Variants in HRH1 observed in about 807,000 individuals in gnomAD.
HRH1 encodes the protein histamine H1 receptor.
HRH1 carries 6 observed loss-of-function variants against 10.3 expected under a neutral mutation model. That is an observed-to-expected ratio of 0.58 (90% confidence interval 0.32 to 1.15). The LOEUF (loss-of-function observed/expected upper bound fraction) is 1.15, where lower values mean the gene tolerates loss of function less well. Among genes scored for constraint, HRH1 ranks in the 50% most tolerant of loss-of-function variants. The pLI is 0.05. For synonymous variants in HRH1, 242 were observed against 236.7 expected (o/e 1.02, Z -0.21); for missense variants, 514 against 615.3 (o/e 0.84, Z 1.74).
chr3:11,167,626 C>T (rs1027512581), intron 1 of HRH1, among the ~76,000 whole-genome samples: 3 of 152,260 alleles, frequency 2.0e-5, no homozygotes, highest in African/African-American at 2.4e-5. Context: ...TGCCCCTGAG[C>T]GCAATCAATT....
At chr3:11,194,717 AG>A (rs1349612892) in intron 1 of HRH1, among the ~76,000 whole-genome samples, 1 of 152,306 alleles carries the variant, frequency 6.6e-6, no homozygotes, top group East Asian at 1.9e-4. Context: ...TGGGAGGCCA[AG>A]GAAGGAGAAT....
At chr3:11,240,873 C>T (rs1939318287) in intron 1 of HRH1, among the ~76,000 whole-genome samples, 1 of 152,166 alleles carries the variant, frequency 6.6e-6, no homozygotes, top group African/African-American at 2.4e-5. Context: ...AATGTTCTGA[C>T]TTACTTGACT....
At chr3:11,198,790 C>A (rs1575004646) in intron 1 of HRH1, among the ~76,000 whole-genome samples, 1 of 151,356 alleles carries the variant, frequency 6.6e-6, no homozygotes, top group East Asian at 1.9e-4. Flanking sequence ...TCATAATAAC[C>A]ATAAGAAGAT....
intron 1 of HRH1, among the ~76,000 whole-genome samples, chr3:11,202,032 G>T (rs1937932409): frequency 6.6e-6 from 1 of 152,188 alleles, no homozygotes; most frequent in Admixed American, 6.6e-5. Flanking sequence ...GGGGAAAATG[G>T]ATTCTTCCTT....
In HRH1 at chr3:11,260,657, A is replaced by G. The variant is rs1559290085; in HGVS notation, c.*156A>G. Reference sequence around the variant, plus strand: ...GTAGTTTGGAAAGTTCTTAGGCACCATAGAAGAACAGCAGATGGCGGTGAT... The same window carrying G: ...GTAGTTTGGAAAGTTCTTAGGCACCGTAGAAGAACAGCAGATGGCGGTGAT... On this transcript the variant is annotated 3_prime_UTR_variant, in exon 2 of 2. Coordinates refer to ENST00000431010, the MANE Select transcript of HRH1 (RefSeq NM_001098212.2). 7.6e-6 allele frequency: 5 copies of G among 661,486 alleles called. No individual in the cohort carries two copies. The highest frequency in any genetic ancestry group is 4.2e-5 in the South Asian group (2 of 47,608). 41.0% of individuals were successfully genotyped at this position (661,486 alleles called of 1,614,324 possible).
intron 1 of HRH1, among the ~76,000 whole-genome samples, chr3:11,205,406 A>G (rs143338434): frequency 4.6e-5 from 7 of 152,280 alleles, no homozygotes; most frequent in Non-Finnish European, 1.0e-4. Flanking sequence ...CCTGGGTTCA[A>G]ATCCCAGCTC....
At position 11,214,279 on chromosome 3, in the gene HRH1, C is replaced by T. The variant is rs182280293; in HGVS notation, c.-35-44724C>T. On this transcript the variant is annotated intron_variant, in intron 1 of 1. Transcript: ENST00000431010. The stretch of plus-strand genomic sequence containing the variant: ...AGAAGTCTGATTTACAGCCCCCTTC[C>T]TGGGGCAGAGTGCTTCACAGTTAGT... Among the ~76,000 whole-genome samples the T allele has an allele frequency of 8.7e-4, 133 of 152,302 alleles. 2 individuals carry two copies. The East Asian group carries it at 0.021, about 24-fold the overall frequency.
In HRH1 at chr3:11,232,965, A is replaced by G. The variant is rs115585742; in HGVS notation, c.-35-26038A>G. 9.2e-3 allele frequency among the ~76,000 whole-genome samples: 1,405 copies of G among 151,926 alleles called. 29 individuals carry two copies. Among genetic ancestry groups the G allele is most frequent in the African/African-American group, 0.032 (1,330 of 41,334 alleles). ...ATAATGCCATTTTCTTCTTGTCTCT[A>G]TGTTTTCTGTGGGAAATCTGCTATC... On this transcript the variant is annotated intron_variant, in intron 1 of 1. Coordinates refer to ENST00000431010, the MANE Select transcript of HRH1 (RefSeq NM_001098212.2).
intron 1 of HRH1, among the ~76,000 whole-genome samples, chr3:11,147,612 GA>G (rs928043714): frequency 5.4e-5 from 8 of 148,626 alleles, no homozygotes; most frequent in East Asian, 3.9e-4. Context: ...AGTAGGTGTA[GA>G]AAAAAAAAAG....
At chr3:11,227,275 G>T (rs1378775903) in intron 1 of HRH1, among the ~76,000 whole-genome samples, 1 of 151,822 alleles carries the variant, frequency 6.6e-6, no homozygotes, top group Non-Finnish European at 1.5e-5. Context: ...TGCCTATGGG[G>T]TGATTAAGAT....
At chr3:11,182,804 G>A (rs190241198) in intron 1 of HRH1, among the ~76,000 whole-genome samples, 47 of 152,282 alleles carry the variant, frequency 3.1e-4, no homozygotes, top group African/African-American at 1.1e-3. Context: ...CTGATACTCA[G>A]AGAGGTGAAG....
chr3:11,167,951 C>T (rs868299395), intron 1 of HRH1, among the ~76,000 whole-genome samples: 1 of 152,174 alleles, frequency 6.6e-6, no homozygotes, highest in African/African-American at 2.4e-5. Flanking sequence ...GCGGGAGAAC[C>T]TGCCTTCCTA....
intron 1 of HRH1, among the ~76,000 whole-genome samples, chr3:11,200,067 G>A (rs1248681984): frequency 6.6e-6 from 1 of 152,188 alleles, no homozygotes; most frequent in East Asian, 1.9e-4. Context: ...TCTTAAGAAA[G>A]AGATGCAGAG....
intron 1 of HRH1, among the ~76,000 whole-genome samples, chr3:11,239,246 C>T (rs1939270923): frequency 6.6e-6 from 1 of 152,186 alleles, no homozygotes; most frequent in Non-Finnish European, 1.5e-5. Context: ...TTTTGATTTT[C>T]ATTTCCCTAA....
intron 1 of HRH1, among the ~76,000 whole-genome samples, chr3:11,172,863 A>C (rs554553227): frequency 2.0e-5 from 3 of 151,716 alleles, no homozygotes. Flanking sequence ...CTCCACGCCC[A>C]GCTAATTTTT....
intron 1 of HRH1, among the ~76,000 whole-genome samples, chr3:11,210,446 C>T (rs1457517365): frequency 6.6e-6 from 1 of 152,034 alleles, no homozygotes. Flanking sequence ...CAAAACTACT[C>T]TGAGGATAAA....
At position 11,260,509 on chromosome 3, in the gene HRH1, T is replaced by C. The variant is rs1399125886; in HGVS notation, c.*8T>C. ...CTGCATATTCGCTCCTAAGGGAGGC[T>C]CTGAGGGGATGCAACAAAATGATCC... On this transcript the variant is annotated 3_prime_UTR_variant, in exon 2 of 2. Coordinates refer to ENST00000431010, the MANE Select transcript of HRH1 (RefSeq NM_001098212.2). 14 of 1,564,616 alleles carry C rather than the reference T, an allele frequency of 8.9e-6. No homozygotes were observed. In the East Asian group the frequency reaches 1.1e-4, roughly 13 times the overall value.
chr3:11,252,510 G>A (rs1246938458), intron 1 of HRH1, among the ~76,000 whole-genome samples: 1 of 152,174 alleles, frequency 6.6e-6, no homozygotes, highest in Non-Finnish European at 1.5e-5. Flanking sequence ...CCCGGGGTAA[G>A]ACTGTCCATC....
At chr3:11,221,168 G>C (rs987287085) in intron 1 of HRH1, among the ~76,000 whole-genome samples, 2 of 152,174 alleles carry the variant, frequency 1.3e-5, no homozygotes, top group Non-Finnish European at 2.9e-5. Flanking sequence ...CCCTTAAGTT[G>C]ACAAATCCTT....
Sources: gnomAD v4.1 joint callset for allele counts (sites outside exome capture counted in the v4.1 genomes callset) on GRCh38, gnomAD v4.1.1 for gene constraint, MANE v1.5 for transcripts, NCBI Gene and HGNC (gene_info 2026-07-23, HGNC 2026-07-21) for gene names.